The following COL18A1 variants were observed in gnomAD, a reference collection of about 807,000 sequenced individuals.
The protein encoded by COL18A1 is collagen type XVIII alpha 1 chain.
Under a neutral mutation model 168.0 loss-of-function variants are expected in COL18A1, and 133 were observed. That is an observed-to-expected ratio of 0.79 (90% CI 0.69 to 0.91). The LOEUF (loss-of-function observed/expected upper bound fraction) is 0.91, where lower values mean the gene tolerates loss of function less well. Ranked by LOEUF, COL18A1 falls within the 40% of genes least tolerant of loss-of-function variation. The probability of loss-of-function intolerance (pLI) is 0.00; values close to 1 mark genes in which losing one functional copy is unlikely to be tolerated. For synonymous variants in COL18A1, 949 were observed against 809.0 expected (o/e 1.17, Z -2.94); for missense variants, 2,126 against 1,925.4 (o/e 1.10, Z -1.95).
chr21:45,437,477 T>TGCACACACTCACACTCACACAGACAG, intron 2 of COL18A1, among the ~76,000 whole-genome samples: 1 of 49,306 alleles, frequency 2.0e-5, no homozygotes, highest in Non-Finnish European at 3.5e-5. Flanking sequence ...GGCACTCTCC[T>TGCACACACTCACACTCACACAGACAG]GCACACACTC....
At chr21:45,475,626 G>T (rs2035620131) in intron 5 of COL18A1, 91 bp downstream of exon 5, 3 of 1,098,278 alleles carry the variant, frequency 2.7e-6, no homozygotes, top group Non-Finnish European at 2.7e-6. Context: ...ACGCAGGTGT[G>T]GCTCCAAGAG....
Position 45,477,198 on chromosome 21 carries a change from G to A in COL18A1, c.929-213G>A, listed in dbSNP as rs1002343471. On this transcript the variant is annotated intron_variant, in intron 6 of 41. Transcript: ENST00000651438. ...TGTCATTGGCTTAGATGGCCACACCGGCCTCACTGTTGATTTTAAATTCTG... is the reference window on the plus strand; with the variant it reads ...TGTCATTGGCTTAGATGGCCACACCAGCCTCACTGTTGATTTTAAATTCTG... Among the ~76,000 whole-genome samples, 8 of 152,152 alleles carry A rather than the reference G, an allele frequency of 5.3e-5. No homozygotes were observed. In the East Asian group the frequency reaches 9.6e-4, roughly 18 times the overall value.
rs1210637654 is a variant in COL18A1 at position 45,473,734 on chromosome 21, A to G, written c.652-161A>G. Among the ~76,000 whole-genome samples, 1 of 152,026 alleles carries G rather than the reference A, an allele frequency of 6.6e-6. No individual in the cohort carries two copies. Among genetic ancestry groups the G allele is most frequent in the African/African-American group, 2.4e-5 (1 of 41,372 alleles). ...CTGGGTCTCACCACTTCTTCCTACC[A>G]TGAGGCATACCGCACCCCCAGGGAG... On this transcript the variant is annotated intron_variant, in intron 3 of 41. Transcript: ENST00000651438. This position sits in a 1 kb window ranked among gnomAD's most constrained non-coding sequence, Gnocchi z 4.0.
intron 2 of COL18A1, among the ~76,000 whole-genome samples, chr21:45,448,534 C>A (rs117278944): frequency 6.6e-6 from 1 of 152,256 alleles, no homozygotes; most frequent in African/African-American, 2.4e-5. Context: ...CACGCGCACA[C>A]GTGTGCTTCT....
At chr21:45,440,799 C>T (rs927250500) in intron 2 of COL18A1, among the ~76,000 whole-genome samples, 4 of 152,208 alleles carry the variant, frequency 2.6e-5, no homozygotes, top group African/African-American at 7.2e-5. Context: ...ATGTCGATGC[C>T]GGACTCCGCC....
chr21:45,478,411 G>A, intron 9 of COL18A1, 58 bp downstream of exon 9: 13 of 1,612,172 alleles, frequency 8.1e-6, no homozygotes, highest in East Asian at 2.2e-5. Flanking sequence ...TTAGACCCCA[G>A]GGCTTTGTTG....
rs1418283049 is a variant in COL18A1 at position 45,457,875 on chromosome 21, G to C, written c.107-10367G>C. Among the ~76,000 whole-genome samples, 3 of 152,148 alleles carry C rather than the reference G, an allele frequency of 2.0e-5. No homozygotes were observed. Among genetic ancestry groups the C allele is most frequent in the Admixed American group, 2.0e-4 (3 of 15,282 alleles). On this transcript the variant is annotated intron_variant, in intron 2 of 41. Transcript: ENST00000651438. The surrounding 1 kb of genome is among the most constrained non-coding windows in gnomAD (Gnocchi z 4.6). ...GGACCTGGAGGTGGGGGTGCCTGCAGTGGAAATTCTGGTGGACGCCCACCC... is the reference window on the plus strand; with the variant it reads ...GGACCTGGAGGTGGGGGTGCCTGCACTGGAAATTCTGGTGGACGCCCACCC...
At chr21:45,475,618 G>A in intron 5 of COL18A1, 83 bp downstream of exon 5, 3 of 1,177,758 alleles carry the variant, frequency 2.5e-6, no homozygotes, top group Non-Finnish European at 3.7e-6. Context: ...ATGTGCACAC[G>A]CAGGTGTGGC....
At chr21:45,447,237 A>G (rs1462353232) in intron 2 of COL18A1, among the ~76,000 whole-genome samples, 1 of 151,360 alleles carries the variant, frequency 6.6e-6, no homozygotes, top group Non-Finnish European at 1.5e-5. Context: ...CATATATCAT[A>G]TGTATATTTA....
chr21:45,410,433 CCCT>C (rs1219976052), intron 2 of COL18A1, among the ~76,000 whole-genome samples: 35 of 400 alleles, frequency 0.087, no homozygotes, highest in Non-Finnish European at 0.099. Context: ...CAAGGGCTGA[CCCT>C]GCGGGGACCC....
Position 45,480,481 on chromosome 21 carries a change from G to T in COL18A1, c.1413G>T (p.Met471Ile). ...CTTTTCCTCAGACCTTCATTGACATGGAGGGATCTGGCTTCGGGGGCGATC... is the reference window on the plus strand; with the variant it reads ...CTTTTCCTCAGACCTTCATTGACATTGAGGGATCTGGCTTCGGGGGCGATC... ...FRHDKLTFID[M>I]EGSGFGGDLE... Residue 471 changes from methionine (M) to isoleucine (I), a missense_variant, in exon 12 of 42, where the codon ATG becomes ATT. Met to Ile is a conservative substitution (Grantham distance 10). Transcript: ENST00000651438. 6.2e-7 allele frequency: 1 copy of T among 1,614,160 alleles called. No individual in the cohort carries two copies. The highest frequency in any genetic ancestry group is 1.1e-5 in the South Asian group (1 of 91,088).
At position 45,462,535 on chromosome 21, in the gene COL18A1, A is replaced by T. The variant is rs141847724; in HGVS notation, c.107-5707A>T. ...TTTTGTCTGCTCAAATCACCTTCAG[A>T]TTCCTCTAGTGATGTTTTCAATTTC... On this transcript the variant is annotated intron_variant, in intron 2 of 41. Coordinates refer to ENST00000651438, the MANE Select transcript of COL18A1 (RefSeq NM_001379500.1). 2.0e-5 allele frequency among the ~76,000 whole-genome samples: 3 copies of T among 152,238 alleles called. No homozygotes were observed. The East Asian group carries it at 5.8e-4, about 29-fold the overall frequency.
rs1268347819 is a variant in COL18A1, at chr21:45,443,964, AGGGCGAGTAGGTGTCT to A, written c.107-24275_107-24260del. ...CTCTTTTGGGTGGCCAGGATGTCAC[AGGGCGAGTAGGTGTCT>A]GGCCCTACCACTGGGGGGCCATGTT... On this transcript the variant is annotated intron_variant, in intron 2 of 41. Coordinates refer to ENST00000651438, the MANE Select transcript of COL18A1 (RefSeq NM_001379500.1). The surrounding 1 kb of genome is among the most constrained non-coding windows in gnomAD (Gnocchi z 5.2). 2.6e-5 allele frequency among the ~76,000 whole-genome samples: 4 copies of A among 152,158 alleles called. No homozygotes were observed. Among genetic ancestry groups the A allele is most frequent in the African/African-American group, 9.7e-5 (4 of 41,428 alleles).
At chr21:45,484,274 C>G (rs1453080218) in intron 15 of COL18A1, among the ~76,000 whole-genome samples, 2 of 147,996 alleles carry the variant, frequency 1.4e-5, no homozygotes, top group African/African-American at 5.0e-5. Flanking sequence ...CACACATAGG[C>G]ACACACATCT....
chr21:45,478,308 G>A lies in COL18A1; in HGVS notation c.1222-19G>A. 6.2e-7 allele frequency: 1 copy of A among 1,614,028 alleles called. No homozygotes were observed. Among genetic ancestry groups the A allele is most frequent in the Non-Finnish European group, 8.5e-7 (1 of 1,179,996 alleles). ...GAGGAGTCATTTCCCATCACTAATGGCTTCTCTTGCACACCCAGGGCGACC... is the reference window on the plus strand; with the variant it reads ...GAGGAGTCATTTCCCATCACTAATGACTTCTCTTGCACACCCAGGGCGACC... On this transcript the variant is annotated intron_variant, in intron 8 of 41. Transcript: ENST00000651438.
chr21:45,498,744 G>T lies in COL18A1; in HGVS notation c.2683+1083G>T. 1 of 610,718 alleles carries T rather than the reference G, an allele frequency of 1.6e-6. No individual in the cohort carries two copies. Among genetic ancestry groups the T allele is most frequent in the Non-Finnish European group, 2.9e-6 (1 of 341,676 alleles). 37.8% of individuals were successfully genotyped at this position (610,718 alleles called of 1,614,324 possible). ...ATGCACAGATGACCAGAAACCAGGA[G>T]AAGAGGCCAGTGACACACCAGACCA... On this transcript the variant is annotated intron_variant, in intron 32 of 41. Transcript: ENST00000651438. The surrounding 1 kb of genome is among the most constrained non-coding windows in gnomAD (Gnocchi z 4.5).
At position 45,425,266 on chromosome 21, in the gene COL18A1, T is replaced by G. The variant is rs13048441; in HGVS notation, c.106+19793T>G. ...CGCCCGTCTCCCCGGACACGCCTGT[T>G]GGAGCCCCGGCCGTGTGTGTGTGTG... On this transcript the variant is annotated intron_variant, in intron 2 of 41. Coordinates refer to ENST00000651438, the MANE Select transcript of COL18A1 (RefSeq NM_001379500.1). The surrounding 1 kb of genome is among the most constrained non-coding windows in gnomAD (Gnocchi z 4.1). Among the ~76,000 whole-genome samples the G allele has an allele frequency of 6.6e-6, 1 of 151,656 alleles. No homozygotes were observed. The highest frequency in any genetic ancestry group is 1.5e-5 in the Non-Finnish European group (1 of 67,870).
At position 45,457,399 on chromosome 21, in the gene COL18A1, CT is replaced by C. The variant is rs1380034510; in HGVS notation, c.107-10842del. Among the ~76,000 whole-genome samples the C allele has an allele frequency of 3.3e-5, 5 of 152,168 alleles. No individual in the cohort carries two copies. The highest frequency in any genetic ancestry group is 7.4e-5 in the Non-Finnish European group (5 of 68,004). On this transcript the variant is annotated intron_variant, in intron 2 of 41. Transcript: ENST00000651438. This position sits in a 1 kb window ranked among gnomAD's most constrained non-coding sequence, Gnocchi z 4.6. ...CTACCAGCGTGGGGACCAGGGAGGT[CT>C]GCAGGGCCCGTCCTGAGAGGGAGCC...
At chr21:45,495,718 A>ACACG (rs1275549531) in intron 29 of COL18A1, 1 of 425,484 alleles carries the variant, frequency 2.4e-6, no homozygotes, top group East Asian at 4.9e-5. Flanking sequence ...GCACACATAC[A>ACACG]CGCACACACA....
Sources: allele counts gnomAD v4.1 joint callset (sites outside exome capture counted in the v4.1 genomes callset), GRCh38; gene constraint gnomAD v4.1.1; non-coding constraint Gnocchi (gnomAD v3.1); transcripts MANE v1.5; gene names NCBI Gene and HGNC (gene_info 2026-07-23, HGNC 2026-07-21).